The following BACE2 variants were observed in gnomAD, a reference collection of about 807,000 sequenced individuals.
BACE2 encodes the protein beta-secretase 2.
A neutral mutation model predicts 46.2 loss-of-function variants in BACE2; 17 were observed. That is an observed-to-expected ratio of 0.37 (90% confidence interval 0.25 to 0.55). The LOEUF is 0.55. Ranked by LOEUF, BACE2 falls within the 20% of genes least tolerant of loss-of-function variation. The probability of loss-of-function intolerance (pLI) is 0.82; values close to 1 mark genes in which losing one functional copy is unlikely to be tolerated. For missense variants in BACE2, 595 were observed against 698.1 expected (o/e 0.85, Z 1.66); for synonymous variants, 277 against 295.9 (o/e 0.94, Z 0.66).
chr21:41,176,367 C>T (rs1041487338), intron 1 of BACE2: 1 of 152,100 alleles, frequency 6.6e-6, no homozygotes, highest in Non-Finnish European at 1.5e-5. Flanking sequence ...AGCAGGAATA[C>T]CTTGCAGAAG....
intron 1 of BACE2, among the ~76,000 whole-genome samples, chr21:41,221,827 CAAAAAA>C (rs58502168): frequency 0.32 from 31,411 of 98,256 alleles, 3,595 homozygotes; most frequent in Non-Finnish European, 0.4. Context: ...GACTCTGTCT[CAAAAAA>C]AAAAAAAAAA....
At chr21:41,196,217 G>A (rs1277829271) in intron 1 of BACE2, among the ~76,000 whole-genome samples, 1 of 152,002 alleles carries the variant, frequency 6.6e-6, no homozygotes, top group East Asian at 1.9e-4. Flanking sequence ...AGAATTGCTT[G>A]AACCTGGGAG....
At chr21:41,211,335 T>A (rs1986297843) in intron 1 of BACE2, among the ~76,000 whole-genome samples, 1 of 152,042 alleles carries the variant, frequency 6.6e-6, no homozygotes, top group South Asian at 2.1e-4. Flanking sequence ...ACAGCCAGAA[T>A]AAATTGTATA....
rs1359582564 is a variant in BACE2 at position 41,200,531 on chromosome 21, GCA to G, written c.313-25733_313-25732del. 2.6e-5 allele frequency among the ~76,000 whole-genome samples: 4 copies of G among 152,268 alleles called. No homozygotes were observed. In the South Asian group the frequency reaches 8.3e-4, roughly 32 times the overall value. On this transcript the variant is annotated intron_variant, in intron 1 of 8. Transcript: ENST00000330333. ...CTGCAGGTCTCAGGACCTCTTCCCTGCACTGTGCTAGCCCGGCCCCCTGTGAT... is the reference window on the plus strand; with the variant it reads ...CTGCAGGTCTCAGGACCTCTTCCCTGCTGTGCTAGCCCGGCCCCCTGTGAT...
intron 1 of BACE2, among the ~76,000 whole-genome samples, chr21:41,168,803 G>C (rs1171461686): frequency 1.3e-5 from 2 of 152,152 alleles, no homozygotes; most frequent in Non-Finnish European, 2.9e-5. Flanking sequence ...GTGTGCGCGA[G>C]TGTTTCAGAA....
chr21:41,235,888 T>G (rs1987104075), intron 2 of BACE2, among the ~76,000 whole-genome samples: 4 of 149,268 alleles, frequency 2.7e-5, no homozygotes. Flanking sequence ...GAACAAATGA[T>G]CATGTCATCT....
rs2088498461 is a variant in BACE2 at position 41,277,108 on chromosome 21, A to G, written c.*1484A>G. 1 of 151,820 alleles carries G rather than the reference A, an allele frequency of 6.6e-6. No individual in the cohort carries two copies. The highest frequency in any genetic ancestry group is 2.4e-5 in the African/African-American group (1 of 41,312). 9.4% of individuals were successfully genotyped at this position (151,820 alleles called of 1,614,324 possible). A position where few individuals can be genotyped will look rare whatever the true frequency, so the allele number is the denominator to read the frequency against. On this transcript the variant is annotated 3_prime_UTR_variant, in exon 9 of 9. Transcript: ENST00000330333. ...TTTTTTGGGGTGGGTTGGCTATATT[A>G]CAGAATTCCACCAAAAGTGCTAAGT... is the stretch of plus-strand genomic sequence containing the variant.
In BACE2 at chr21:41,277,538, G is replaced by A. The variant is rs1352640304; in HGVS notation, c.*1914G>A. 1.3e-5 allele frequency: 2 copies of A among 152,202 alleles called. No individual in the cohort carries two copies. Among genetic ancestry groups the A allele is most frequent in the African/African-American group, 2.4e-5 (1 of 41,450 alleles). 9.4% of individuals were successfully genotyped at this position (152,202 alleles called of 1,614,324 possible). On this transcript the variant is annotated 3_prime_UTR_variant, in exon 9 of 9. Transcript: ENST00000330333. The stretch of plus-strand genomic sequence containing the variant: ...GCTTTTTCCGTGGTTGCTGTTTTGT[G>A]GGCCGCTTTGCACAGGAGTGAAGCC...
chr21:41,231,645 T>C (rs1986969161), intron 2 of BACE2, among the ~76,000 whole-genome samples: 1 of 152,342 alleles, frequency 6.6e-6, no homozygotes, highest in South Asian at 2.1e-4. Context: ...AGCACTCTTA[T>C]CAGAGGCAGA....
At chr21:41,247,601 G>A (rs1987509543) in intron 6 of BACE2, among the ~76,000 whole-genome samples, 1 of 152,254 alleles carries the variant, frequency 6.6e-6, no homozygotes, top group South Asian at 2.1e-4. Flanking sequence ...TTGAAGCGCA[G>A]TGTGAAAATC....
At chr21:41,221,392 G>C (rs1428970837) in intron 1 of BACE2, among the ~76,000 whole-genome samples, 1 of 152,148 alleles carries the variant, frequency 6.6e-6, no homozygotes, top group East Asian at 1.9e-4. Flanking sequence ...TGTGTGTGCA[G>C]AACCTACACA....
At chr21:41,228,240 G>T (rs1481146029) in intron 2 of BACE2, among the ~76,000 whole-genome samples, 1 of 152,212 alleles carries the variant, frequency 6.6e-6, no homozygotes, top group African/African-American at 2.4e-5. Context: ...GAACACTCTG[G>T]CTCCGTGGTG....
chr21:41,261,435 A>T (rs1987932562), intron 8 of BACE2, among the ~76,000 whole-genome samples: 1 of 152,000 alleles, frequency 6.6e-6, no homozygotes, highest in Admixed American at 6.6e-5. Flanking sequence ...TAGTGTGCAC[A>T]TTTTTCTACC....
At chr21:41,248,942 G>T (rs1024392982) in intron 6 of BACE2, among the ~76,000 whole-genome samples, 1 of 152,184 alleles carries the variant, frequency 6.6e-6, no homozygotes, top group Admixed American at 6.5e-5. Context: ...CTGTCCCTGT[G>T]CCCCTCCTCG....
At chr21:41,226,851 G>A (rs1027153528) in intron 2 of BACE2, among the ~76,000 whole-genome samples, 3 of 152,184 alleles carry the variant, frequency 2.0e-5, no homozygotes, top group Admixed American at 2.0e-4. Context: ...TCTGTGGGTT[G>A]GTTTGCAACA....
At chr21:41,194,298 T>G (rs1258219168) in intron 1 of BACE2, among the ~76,000 whole-genome samples, 2 of 152,186 alleles carry the variant, frequency 1.3e-5, no homozygotes, top group Non-Finnish European at 2.9e-5. Flanking sequence ...TTAGGGTAGC[T>G]GTGCCCACCT....
At chr21:41,188,917 C>T (rs752881778) in intron 1 of BACE2, among the ~76,000 whole-genome samples, 9 of 152,206 alleles carry the variant, frequency 5.9e-5, no homozygotes, top group South Asian at 2.1e-4. Context: ...CATTGGTTAC[C>T]GTGGTTCCTT....
At chr21:41,201,290 G>C (rs1183437864) in intron 1 of BACE2, among the ~76,000 whole-genome samples, 1 of 152,218 alleles carries the variant, frequency 6.6e-6, no homozygotes, top group Non-Finnish European at 1.5e-5. Context: ...TAGTAGAGGT[G>C]GTTTAAAGAG....
At chr21:41,262,156 A>G (rs548642915) in intron 8 of BACE2, among the ~76,000 whole-genome samples, 2 of 152,134 alleles carry the variant, frequency 1.3e-5, no homozygotes, top group South Asian at 4.2e-4. Flanking sequence ...TTTGCTTTTT[A>G]TTTTGTTTTG....
Sources: gnomAD v4.1 joint callset for allele counts (sites outside exome capture counted in the v4.1 genomes callset) on GRCh38, gnomAD v4.1.1 for gene constraint, MANE v1.5 for transcripts, NCBI Gene and HGNC (gene_info 2026-07-23, HGNC 2026-07-21) for gene names.